The following HIBCH variants were observed in gnomAD, a reference collection of about 807,000 sequenced individuals.
HIBCH encodes the protein 3-hydroxyisobutyryl-CoA hydrolase.
A neutral mutation model predicts 58.2 loss-of-function variants in HIBCH; 50 were observed. The observed-to-expected ratio is 0.86, with a 90% CI of 0.68 to 1.09. The LOEUF is 1.09. Among genes scored for constraint, HIBCH ranks in the 50% least tolerant of loss-of-function variants. HIBCH has a pLI of 0.00. For missense variants in HIBCH, 450 were observed against 449.7 expected, an observed-to-expected ratio of 1.00 and a Z score of -0.01; for synonymous variants, 151 against 146.9, an observed-to-expected ratio of 1.03 and a Z score of -0.20.
intron 1 of HIBCH, among the ~76,000 whole-genome samples, chr2:190,198,801 A>ATTGTT (rs1350687191): frequency 3.9e-5 from 6 of 152,112 alleles, no homozygotes; most frequent in African/African-American, 1.4e-4. Flanking sequence ...GCTGTCTTGT[A>ATTGTT]TTGTTTTAGT....
In HIBCH at chr2:190,222,284, G is replaced by T. The variant is rs116039386; in HGVS notation, c.892-9209C>A. ...AAGCAAATGGAGTCTGTCCCTGCTGGCACAGAAACGGCCGGCTAGTCCTAG... is the reference window on the plus strand; with the variant it reads ...AAGCAAATGGAGTCTGTCCCTGCTGTCACAGAAACGGCCGGCTAGTCCTAG... On this transcript the variant is annotated intron_variant, in intron 11 of 13. Coordinates refer to ENST00000359678, the MANE Select transcript of HIBCH (RefSeq NM_014362.4). Among the ~76,000 whole-genome samples the T allele has an allele frequency of 6.7e-3, 1,017 of 152,300 alleles. 12 individuals are homozygous for T. The highest frequency in any genetic ancestry group is 0.022 in the African/African-American group (923 of 41,544).
In HIBCH at chr2:190,315,860, AGAAGCTAGCT is replaced by A. The variant is rs1379805003; in HGVS notation, c.35+3846_35+3855del. ...AGGAGAATATAGAAAAGACAGGGAA[AGAAGCTAGCT>A]GGTTTGCAGGACGAAATACAAATTC... On this transcript the variant is annotated intron_variant, in intron 1 of 13. Transcript: ENST00000359678. This position sits in a 1 kb window ranked among gnomAD's most constrained non-coding sequence, Gnocchi z 5.4. 2.8e-4 allele frequency among the ~76,000 whole-genome samples: 42 copies of A among 152,240 alleles called. 1 individual carries two copies. The highest frequency in any genetic ancestry group is 2.7e-3 in the Admixed American group (42 of 15,284).
chr2:190,306,785 A>G lies in HIBCH; in HGVS notation c.78+3969T>C, dbSNP rs904317120. 6.6e-6 allele frequency among the ~76,000 whole-genome samples: 1 copy of G among 152,182 alleles called. No homozygotes were observed. The highest frequency in any genetic ancestry group is 1.5e-5 in the Non-Finnish European group (1 of 68,034). On this transcript the variant is annotated intron_variant, in intron 2 of 13. Coordinates refer to ENST00000359678, the MANE Select transcript of HIBCH (RefSeq NM_014362.4). This position sits in a 1 kb window ranked among gnomAD's most constrained non-coding sequence, Gnocchi z 4.6. Reference sequence around the variant, plus strand: ...AAATCCTAACCTCCAAGGTGATGGCATAAGAGTGGGACCTTTGAGAGGTAA... The same window carrying G: ...AAATCCTAACCTCCAAGGTGATGGCGTAAGAGTGGGACCTTTGAGAGGTAA...
At chr2:190,303,428 A>G (rs1415965222) in intron 2 of HIBCH, among the ~76,000 whole-genome samples, 1 of 105,252 alleles carries the variant, frequency 9.5e-6, no homozygotes, top group Admixed American at 1.2e-4. Flanking sequence ...TAGCACCAGA[A>G]AGGAAATGTT....
intron 2 of HIBCH, among the ~76,000 whole-genome samples, chr2:190,300,235 G>A (rs138420407): frequency 2.4e-3 from 372 of 152,162 alleles, no homozygotes; most frequent in African/African-American, 8.4e-3. Context: ...TCTTTAAATC[G>A]CGACACCGCT....
At chr2:190,273,860 G>C (rs1293299538) in intron 6 of HIBCH, among the ~76,000 whole-genome samples, 4 of 151,932 alleles carry the variant, frequency 2.6e-5, no homozygotes, top group Non-Finnish European at 5.9e-5. Context: ...CAGGGTCTCA[G>C]ATGCAGTGAG....
At chr2:190,200,657 C>T (rs1297312724), downstream of HIBCH, 1 of 170,744 alleles carries the variant, frequency 5.9e-6, no homozygotes, top group Non-Finnish European at 1.4e-5. Flanking sequence ...CAAATGAACC[C>T]TGTCTTTAAT....
At chr2:190,273,224 C>T (rs570031331) in intron 6 of HIBCH, among the ~76,000 whole-genome samples, 2 of 152,002 alleles carry the variant, frequency 1.3e-5, no homozygotes, top group Non-Finnish European at 2.9e-5. Flanking sequence ...GAAACCTCAA[C>T]TCTATTAAAA....
chr2:190,249,662 A>G lies in HIBCH; in HGVS notation c.728T>C (p.Val243Ala), dbSNP rs757884705. Residue 243 changes from valine to alanine, a missense_variant, in exon 9 of 14, where the codon GTC (valine) becomes GCC (alanine). Physicochemically the swap from Val to Ala is moderately conservative, Grantham distance 64 (BLOSUM62 0). Transcript: ENST00000359678. ...TACCTCTGTATGGTAATTTTCTAAG[A>G]CAGATGCAATATTTTCTTTTGAAGG... ...KSPSKENIAS[V>A]LENYHTESKI... 5 of 1,601,616 alleles carry G rather than the reference A, an allele frequency of 3.1e-6. No homozygotes were observed. The highest frequency in any genetic ancestry group is 4.3e-6 in the Non-Finnish European group (5 of 1,168,994).
Position 190,217,997 on chromosome 2 carries a change from A to T in HIBCH, c.892-4922T>A, listed in dbSNP as rs1461840388. 3.3e-5 allele frequency among the ~76,000 whole-genome samples: 5 copies of T among 152,198 alleles called. No homozygotes were observed. Among genetic ancestry groups the T allele is most frequent in the African/African-American group, 7.2e-5 (3 of 41,440 alleles). ...GATTAATCCTAACACAAGGGGTAAAAGGAAACCCTATTGGATAGGGCCCAG... is the reference window on the plus strand; with the variant it reads ...GATTAATCCTAACACAAGGGGTAAATGGAAACCCTATTGGATAGGGCCCAG... On this transcript the variant is annotated intron_variant, in intron 11 of 13. Transcript: ENST00000359678. This position sits in a 1 kb window ranked among gnomAD's most constrained non-coding sequence, Gnocchi z 4.6.
chr2:190,206,283 A>G lies in HIBCH; in HGVS notation c.1046-1051T>C, dbSNP rs1349686170. Among the ~76,000 whole-genome samples the G allele has an allele frequency of 6.6e-6, 1 of 152,164 alleles. No individual in the cohort carries two copies. The highest frequency in any genetic ancestry group is 1.5e-5 in the Non-Finnish European group (1 of 68,020). On this transcript the variant is annotated intron_variant, in intron 13 of 13. Transcript: ENST00000359678. This position sits in a 1 kb window ranked among gnomAD's most constrained non-coding sequence, Gnocchi z 5.1. ...ATTCTGGTATCAGATCAGTGGCGAT[A>G]TTAAATACTGATGTTCTGATCCCTA... is the stretch of plus-strand genomic sequence containing the variant.
intron 11 of HIBCH, among the ~76,000 whole-genome samples, chr2:190,223,845 T>C (rs1685804851): frequency 6.6e-6 from 1 of 152,192 alleles, no homozygotes. Flanking sequence ...GAGTGAGCAA[T>C]GTGGAAGATG....
intron 11 of HIBCH, among the ~76,000 whole-genome samples, chr2:190,232,995 A>AAT (rs960065161): frequency 1.3e-5 from 2 of 151,960 alleles, no homozygotes; most frequent in African/African-American, 2.4e-5. Flanking sequence ...AAAATGTAAT[A>AAT]ATATATATAT....
intron 6 of HIBCH, among the ~76,000 whole-genome samples, chr2:190,266,916 C>G (rs1047274139): frequency 8.6e-5 from 13 of 151,084 alleles, no homozygotes; most frequent in African/African-American, 1.2e-4. Context: ...ACCACCACAC[C>G]AGGCTAGTTT....
intron 7 of HIBCH, 98 bp downstream of exon 7, chr2:190,261,058 A>G (rs564000907): frequency 1.1e-6 from 1 of 879,676 alleles, no homozygotes; most frequent in Non-Finnish European, 1.9e-6. Context: ...TGCATCTCAC[A>G]CAAGAGTCCA....
At chr2:190,248,865 CAAAAAA>C in intron 9 of HIBCH, among the ~76,000 whole-genome samples, 1 of 127,376 alleles carries the variant, frequency 7.9e-6, no homozygotes, top group Admixed American at 7.9e-5. Context: ...TGCTTCAAAA[CAAAAAA>C]AAAAAACAAA....
At chr2:190,249,373 C>T (rs990158619) in intron 9 of HIBCH, among the ~76,000 whole-genome samples, 9 of 152,206 alleles carry the variant, frequency 5.9e-5, no homozygotes, top group Admixed American at 2.0e-4. Context: ...ATGCCAAAAC[C>T]CTTGCAAAGA....
At chr2:190,231,784 G>A (rs964477564) in intron 11 of HIBCH, among the ~76,000 whole-genome samples, 1 of 151,514 alleles carries the variant, frequency 6.6e-6, no homozygotes, top group Non-Finnish European at 1.5e-5. Flanking sequence ...AAAGGAAGAA[G>A]GAAATATGAC....
chr2:190,293,174 G>A (rs779932024), intron 4 of HIBCH, among the ~76,000 whole-genome samples: 14 of 150,144 alleles, frequency 9.3e-5, no homozygotes. Context: ...CTAATTCAAG[G>A]CTGAAAAACA....
Sources: gnomAD v4.1 joint callset for allele counts (sites outside exome capture counted in the v4.1 genomes callset) on GRCh38, gnomAD v4.1.1 for gene constraint, Gnocchi (gnomAD v3.1) non-coding constraint, MANE v1.5 for transcripts, NCBI Gene and HGNC (gene_info 2026-07-23, HGNC 2026-07-21) for gene names.